XRN2: variants seen among roughly 807,000 people sequenced by gnomAD.
XRN2 encodes 5'-3' exoribonuclease 2, also known as DHM1-like protein.
XRN2 carries 44 observed loss-of-function variants against 138.5 expected under a neutral mutation model. The observed-to-expected ratio is 0.32, with a 90% CI of 0.25 to 0.41. The LOEUF is 0.41. Among genes scored for constraint, XRN2 ranks in the 10% least tolerant of loss-of-function variants. XRN2 has a pLI of 1.00. For synonymous variants in XRN2, 354 were observed against 369.4 expected (o/e 0.96, Z 0.48); for missense variants, 937 against 1,169.3 (o/e 0.80, Z 2.90).
At position 21,326,411 on chromosome 20, in the gene XRN2, G is replaced by A. The variant is rs2038128874; in HGVS notation, c.203+5G>A. 1 of 1,613,610 alleles carries A rather than the reference G, an allele frequency of 6.2e-7. No homozygotes were observed. Among genetic ancestry groups the A allele is most frequent in the Non-Finnish European group, 8.5e-7 (1 of 1,179,726 alleles). On this transcript the variant is annotated splice_donor_5th_base_variant and intron_variant, in intron 2 of 29. Transcript: ENST00000377191. ...CTGTACTCATCCTGAAGACAAGTAC[G>A]TAACCCATTTTTGTCACTGATATAG... is the stretch of plus-strand genomic sequence containing the variant.
intron 1 of XRN2, 114 bp from the exon 2 acceptor site, chr20:21,326,165 C>T (rs1420479055): frequency 9.7e-7 from 1 of 1,035,732 alleles, no homozygotes; most frequent in Non-Finnish European, 1.4e-6. Flanking sequence ...TTAAAGGTTA[C>T]TTGAAGTGTT....
At chr20:21,312,601 G>A (rs1245219402) in intron 1 of XRN2, among the ~76,000 whole-genome samples, 2 of 68,964 alleles carry the variant, frequency 2.9e-5, no homozygotes, top group Non-Finnish European at 5.7e-5. Flanking sequence ...CAAACCCCAA[G>A]ATTTTTTTTT....
Position 21,348,242 on chromosome 20 carries a change from G to C in XRN2, c.1762G>C (p.Gly588Arg). 1 of 1,613,678 alleles carries C rather than the reference G, an allele frequency of 6.2e-7. No homozygotes were observed. The highest frequency in any genetic ancestry group is 1.1e-5 in the South Asian group (1 of 90,968). Residue 588 changes from glycine (G) to arginine (R), a missense_variant, in exon 18 of 30, where the codon GGT becomes CGT. By Grantham distance (125) the Gly-to-Arg change is moderately radical (BLOSUM62 -2). This residue lies in a region of XRN2 where 471 missense variants were observed against 581.2 expected (regional missense o/e 0.81). Transcript: ENST00000377191. ...IADMPSDFEK[G>R]TKPFKPLEQL... ...AGACATGCCATCTGATTTTGAGAAG[G>C]GTACGAAACCGGTAAGCTTAATTAC... is the stretch of plus-strand genomic sequence containing the variant.
At chr20:21,325,988 G>T (rs995796862) in intron 1 of XRN2, among the ~76,000 whole-genome samples, 5 of 152,192 alleles carry the variant, frequency 3.3e-5, no homozygotes, top group Non-Finnish European at 7.3e-5. Context: ...TGAGGGAAAT[G>T]AATTTTAAGA....
chr20:21,334,554 A>G (rs1373750639), intron 13 of XRN2, among the ~76,000 whole-genome samples: 3 of 152,212 alleles, frequency 2.0e-5, no homozygotes, highest in African/African-American at 7.2e-5. Flanking sequence ...AGAAGAATTG[A>G]CAATGTAGGG....
intron 6 of XRN2, among the ~76,000 whole-genome samples, chr20:21,331,164 A>G (rs887336623): frequency 4.6e-5 from 7 of 152,104 alleles, no homozygotes; most frequent in Non-Finnish European, 1.0e-4. Flanking sequence ...TATTTTATAG[A>G]TATGTGTTAT....
At chr20:21,334,516 C>T (rs1443633646) in intron 13 of XRN2, among the ~76,000 whole-genome samples, 2 of 152,038 alleles carry the variant, frequency 1.3e-5, no homozygotes, top group Non-Finnish European at 2.9e-5. Context: ...TAGTGGCTGT[C>T]ATGTTTTGAA....
At chr20:21,330,761 C>A in intron 6 of XRN2, 56 bp downstream of exon 6, 1 of 1,469,516 alleles carries the variant, frequency 6.8e-7, no homozygotes, top group Non-Finnish European at 9.5e-7. Flanking sequence ...CGAGGCTGTA[C>A]TTTGATATGA....
chr20:21,370,113 G>T (rs1221301075), intron 27 of XRN2, among the ~76,000 whole-genome samples: 1 of 152,134 alleles, frequency 6.6e-6, no homozygotes, highest in South Asian at 2.1e-4. Context: ...TGAAGAGACT[G>T]TCCTTTCCTC....
intron 24 of XRN2, among the ~76,000 whole-genome samples, chr20:21,358,749 G>A (rs947117341): frequency 6.6e-6 from 1 of 151,238 alleles, no homozygotes; most frequent in Non-Finnish European, 1.5e-5. Context: ...AGTTGCTTAC[G>A]TTTATCTTTA....
chr20:21,387,915 C>T (rs1410094315), intron 29 of XRN2, among the ~76,000 whole-genome samples: 1 of 149,500 alleles, frequency 6.7e-6, no homozygotes, highest in Non-Finnish European at 1.5e-5. Context: ...CTCCACCTTA[C>T]AAGAAGATAA....
intron 1 of XRN2, among the ~76,000 whole-genome samples, chr20:21,319,317 T>C (rs1240481672): frequency 1.3e-5 from 2 of 152,280 alleles, no homozygotes; most frequent in African/African-American, 2.4e-5. Context: ...AGTTAGATCA[T>C]GTTTTTAAAA....
At chr20:21,381,845 A>G (rs2038888701) in intron 27 of XRN2, 149 bp from the exon 28 acceptor site, 1 of 556,924 alleles carries the variant, frequency 1.8e-6, no homozygotes, top group Non-Finnish European at 2.9e-6. Flanking sequence ...ACCTTTTTAC[A>G]TTTGTGGTGT....
chr20:21,364,117 G>A (rs1267433535), intron 24 of XRN2, among the ~76,000 whole-genome samples: 1 of 152,084 alleles, frequency 6.6e-6, no homozygotes, highest in Non-Finnish European at 1.5e-5. Flanking sequence ...ATTTTTAGTA[G>A]AGATGGGGTT....
At chr20:21,370,941 A>G (rs1467997421) in intron 27 of XRN2, among the ~76,000 whole-genome samples, 2 of 152,192 alleles carry the variant, frequency 1.3e-5, no homozygotes, top group African/African-American at 2.4e-5. Flanking sequence ...TGGTTGCCAC[A>G]AGGGCAGCAT....
At position 21,320,137 on chromosome 20, in the gene XRN2, T is replaced by C. The variant is rs138762730; in HGVS notation, c.76-6142T>C. 3.3e-3 allele frequency among the ~76,000 whole-genome samples: 506 copies of C among 152,300 alleles called. 4 individuals carry two copies. Among genetic ancestry groups the C allele is most frequent in the African/African-American group, 0.012 (487 of 41,560 alleles). ...AGCTTTTTATTGATCTGAGTCTTTA[T>C]GTCACCCCAGTTTTGCACTATAGCT... On this transcript the variant is annotated intron_variant, in intron 1 of 29. Transcript: ENST00000377191.
At chr20:21,356,556 A>T in intron 22 of XRN2, 30 bp from the exon 23 acceptor site, 1 of 1,597,524 alleles carries the variant, frequency 6.3e-7, no homozygotes, top group Non-Finnish European at 8.6e-7. Context: ...CATTCTTTGC[A>T]TATGAGATCA....
intron 13 of XRN2, among the ~76,000 whole-genome samples, chr20:21,334,541 T>G (rs1600688394): frequency 6.6e-6 from 1 of 152,244 alleles, no homozygotes; most frequent in South Asian, 2.1e-4. Flanking sequence ...GGAAGACAGG[T>G]TAAGAAGAAT....
At chr20:21,324,934 G>A (rs1244784100) in intron 1 of XRN2, among the ~76,000 whole-genome samples, 4 of 152,138 alleles carry the variant, frequency 2.6e-5, no homozygotes, top group African/African-American at 9.7e-5. Context: ...TGATTTTAGA[G>A]GGTCTTCATT....
Sources: gnomAD v4.1 joint callset for allele counts (sites outside exome capture counted in the v4.1 genomes callset) on GRCh38, gnomAD v4.1.1 for gene constraint, gnomAD v4.1.1 regional missense constraint, MANE v1.5 for transcripts, NCBI Gene and HGNC (gene_info 2026-07-23, HGNC 2026-07-21) for gene names.